FKBP9: variants seen among roughly 807,000 people sequenced by gnomAD.
The protein encoded by FKBP9 is FKBP prolyl isomerase 9.
In FKBP9, 27 loss-of-function variants were observed where a neutral mutation model predicts 55.6. That is an observed-to-expected ratio of 0.49 (90% confidence interval 0.36 to 0.67). The LOEUF is 0.67. Among genes scored for constraint, FKBP9 ranks in the 30% least tolerant of loss-of-function variants. The pLI, the probability that FKBP9 is intolerant of heterozygous loss-of-function variation, is 0.00. For synonymous variants in FKBP9, 267 were observed against 296.5 expected (o/e 0.90, Z 1.02); for missense variants, 539 against 742.8 (o/e 0.73, Z 3.19).
In FKBP9 at chr7:32,991,623, C is replaced by A. The variant is rs533394498; in HGVS notation, c.1039+2971C>A. ...TCTCAGCCTCTATCAGCATTTCATT[C>A]TGTCACAGCCATTTTCCCCTGCAAG... On this transcript the variant is annotated intron_variant, in intron 6 of 9. Coordinates refer to ENST00000242209, the MANE Select transcript of FKBP9 (RefSeq NM_007270.5). 7.3e-3 allele frequency among the ~76,000 whole-genome samples: 1,105 copies of A among 151,738 alleles called. 11 individuals carry two copies. The highest frequency in any genetic ancestry group is 0.025 in the African/African-American group (1,052 of 41,384).
rs1321541070 is a variant in FKBP9, at chr7:33,006,344, G to C, written c.*993G>C. 5.1e-6 allele frequency: 1 copy of C among 195,182 alleles called. No homozygotes were observed. Among genetic ancestry groups the C allele is most frequent in the Middle Eastern group, 1.8e-3 (1 of 544 alleles). The allele number at this position is 195,182 out of a possible 1,614,324, so 12.1% of individuals were successfully genotyped here. A position where few individuals can be genotyped will look rare whatever the true frequency, so the allele number is the denominator to read the frequency against. ...TGTTGGCCAGGATGGTCTCAATCTC[G>C]ACCTCGTGATCCGCCCACCTTGGCC... On this transcript the variant is annotated 3_prime_UTR_variant, in exon 10 of 10. Coordinates refer to ENST00000242209, the MANE Select transcript of FKBP9 (RefSeq NM_007270.5).
intron 5 of FKBP9, 22 bp from the exon 6 acceptor site, chr7:32,988,485 T>C (rs1254577589): frequency 1.9e-6 from 3 of 1,613,454 alleles, no homozygotes; most frequent in African/African-American, 2.7e-5. Flanking sequence ...ATGACCTCTT[T>C]CTTTCCTTTC....
chr7:32,993,919 G>T lies in FKBP9; in HGVS notation c.1040-2244G>T, dbSNP rs570452035. ...TATACTACATTTTGTTGATCAGTTC[G>T]TCTGGTGATGAACACTTAGGCTGTT... On this transcript the variant is annotated intron_variant, in intron 6 of 9. Transcript: ENST00000242209. Among the ~76,000 whole-genome samples the T allele has an allele frequency of 1.1e-4, 16 of 152,048 alleles. No individual in the cohort carries two copies. The South Asian group carries it at 3.1e-3, about 30-fold the overall frequency.
intron 9 of FKBP9, among the ~76,000 whole-genome samples, chr7:33,004,918 T>C (rs1197875098): frequency 3.3e-5 from 5 of 152,144 alleles, no homozygotes; most frequent in Non-Finnish European, 7.4e-5. Context: ...GGAATAGCTC[T>C]GACGGCTGCT....
intron 1 of FKBP9, among the ~76,000 whole-genome samples, chr7:32,964,336 G>C (rs1010073361): frequency 6.6e-6 from 1 of 152,204 alleles, no homozygotes; most frequent in Non-Finnish European, 1.5e-5. Flanking sequence ...TGGCTGTATG[G>C]TATTTTACTG....
intron 1 of FKBP9, among the ~76,000 whole-genome samples, chr7:32,969,874 G>A (rs1784219754): frequency 6.6e-6 from 1 of 151,782 alleles, no homozygotes; most frequent in Non-Finnish European, 1.5e-5. Context: ...ATGGTGGCGG[G>A]CCCCTGTAAT....
At position 33,005,347 on chromosome 7, in the gene FKBP9, T is replaced by A; in HGVS notation, c.1709T>A (p.Leu570His). 6.2e-7 allele frequency: 1 copy of A among 1,614,160 alleles called. No individual in the cohort carries two copies. Among genetic ancestry groups the A allele is most frequent in the Admixed American group, 1.7e-5 (1 of 60,016 alleles). The change falls in exon 10 of 10, where the codon CTC becomes CAC. Residue 570 changes from leucine to histidine, a missense_variant. Leu to His is a moderately conservative substitution (Grantham distance 99, BLOSUM62 -3). Coordinates refer to ENST00000242209, the MANE Select transcript of FKBP9 (RefSeq NM_007270.5). ...GACCAGGAAGCCAAACACGATGAACTCTAAACCTGGCATGAACCAGATGGT... is the reference window on the plus strand; with the variant it reads ...GACCAGGAAGCCAAACACGATGAACACTAAACCTGGCATGAACCAGATGGT... The part of the protein sequence containing the change: ...LKDQEAKHDE[L>H]
chr7:32,968,173 G>A, intron 1 of FKBP9, among the ~76,000 whole-genome samples: 1 of 152,058 alleles, frequency 6.6e-6, no homozygotes, highest in Non-Finnish European at 1.5e-5. Context: ...CGAGTACCTG[G>A]GACTACAGTA....
intron 1 of FKBP9, among the ~76,000 whole-genome samples, chr7:32,964,950 G>A (rs1474716464): frequency 3.9e-5 from 6 of 152,124 alleles, no homozygotes; most frequent in African/African-American, 1.4e-4. Flanking sequence ...AGTCCCATTC[G>A]TGAAGGGTGG....
chr7:32,959,221 C>A (rs962587835), intron 1 of FKBP9, among the ~76,000 whole-genome samples: 1 of 151,382 alleles, frequency 6.6e-6, no homozygotes, highest in Non-Finnish European at 1.5e-5. Context: ...CTGGCTAACA[C>A]GGTGAAACCC....
intron 7 of FKBP9, among the ~76,000 whole-genome samples, chr7:32,997,251 T>C (rs1242664034): frequency 1.1e-4 from 17 of 152,320 alleles, no homozygotes; most frequent in Admixed American, 8.5e-4. Context: ...GTTTACTTTT[T>C]AGCAGAGAGA....
rs1188510069 is a variant in FKBP9 at position 33,006,225 on chromosome 7, C to G, written c.*874C>G. 3 of 190,508 alleles carry G rather than the reference C, an allele frequency of 1.6e-5. No individual in the cohort carries two copies. The highest frequency in any genetic ancestry group is 2.4e-5 in the African/African-American group (1 of 42,390). The allele number at this position is 190,508 out of a possible 1,614,324, so 11.8% of individuals were successfully genotyped here. A position where few individuals can be genotyped will look rare whatever the true frequency, so the allele number is the denominator to read the frequency against. On this transcript the variant is annotated 3_prime_UTR_variant, in exon 10 of 10. Transcript: ENST00000242209. The stretch of plus-strand genomic sequence containing the variant: ...CTCCGCCTCCCGTATTCAAGCGATT[C>G]TCCTGTCTCAGCCTCCTGAGTAGCT...
At chr7:32,996,484 C>T (rs900064378) in intron 7 of FKBP9, 135 bp downstream of exon 7, 8 of 633,898 alleles carry the variant, frequency 1.3e-5, no homozygotes, top group Admixed American at 5.6e-5. Context: ...CTCGTGGCTG[C>T]ATCACTGCTC....
chr7:32,976,252 A>G, intron 3 of FKBP9, 102 bp from the exon 4 acceptor site: 2 of 1,357,094 alleles, frequency 1.5e-6, no homozygotes, highest in Admixed American at 1.7e-5. Context: ...TGGGTATGGG[A>G]TCATCGTTTA....
chr7:32,975,648 C>CTT lies in FKBP9; in HGVS notation c.557+279_557+280dup, dbSNP rs1388993517. 2.0e-4 allele frequency among the ~76,000 whole-genome samples: 15 copies of CTT among 74,628 alleles called. No homozygotes were observed. In the South Asian group the frequency reaches 2.3e-3, roughly 11 times the overall value. 49.0% of individuals were successfully genotyped at this position (74,628 alleles called of 152,430 possible). A position where few individuals can be genotyped will look rare whatever the true frequency, so the allele number is the denominator to read the frequency against. On this transcript the variant is annotated intron_variant, in intron 3 of 9. Transcript: ENST00000242209. Reference sequence around the variant, plus strand: ...CATCATTAAGTGAAAGGTTCTATTTCTTTCTTTTTTTTTTTTGAGATGGAT... The same window carrying CTT: ...CATCATTAAGTGAAAGGTTCTATTTCTTTTTCTTTTTTTTTTTTGAGATGGAT...
intron 6 of FKBP9, among the ~76,000 whole-genome samples, chr7:32,994,186 A>G (rs777413563): frequency 1.3e-5 from 2 of 152,172 alleles, no homozygotes; most frequent in Non-Finnish European, 2.9e-5. Context: ...ATTCCAGCAC[A>G]GTTTCATCAC....
At chr7:33,003,529 C>A (rs1784971832) in intron 9 of FKBP9, among the ~76,000 whole-genome samples, 1 of 152,190 alleles carries the variant, frequency 6.6e-6, no homozygotes, top group African/African-American at 2.4e-5. Flanking sequence ...TTCCTCTCCT[C>A]CCATTCTCTC....
intron 5 of FKBP9, among the ~76,000 whole-genome samples, chr7:32,987,477 A>G (rs1437857519): frequency 2.2e-5 from 3 of 135,490 alleles, no homozygotes; most frequent in African/African-American, 8.3e-5. Flanking sequence ...CCTGGGAGAC[A>G]GAGCAAGACC....
chr7:32,995,353 C>A (rs1348413275), intron 6 of FKBP9, among the ~76,000 whole-genome samples: 1 of 152,046 alleles, frequency 6.6e-6, no homozygotes, highest in Non-Finnish European at 1.5e-5. Flanking sequence ...TACATTTAAA[C>A]TTCTCTGAAA....
Sources: gnomAD v4.1 joint callset for allele counts (sites outside exome capture counted in the v4.1 genomes callset) on GRCh38, gnomAD v4.1.1 for gene constraint, MANE v1.5 for transcripts, NCBI Gene and HGNC (gene_info 2026-07-23, HGNC 2026-07-21) for gene names.